Variants in PTPRM observed in about 807,000 individuals in gnomAD.
PTPRM encodes receptor-type tyrosine-protein phosphatase mu.
Under a neutral mutation model 186.7 loss-of-function variants are expected in PTPRM, and 47 were observed. That is an observed-to-expected ratio of 0.25 (90% CI 0.20 to 0.32). The LOEUF is 0.32. Among genes scored for constraint, PTPRM ranks in the 10% least tolerant of loss-of-function variants. The pLI, the probability that PTPRM is intolerant of heterozygous loss-of-function variation, is 1.00. For synonymous variants in PTPRM, 668 were observed against 674.9 expected (o/e 0.99, Z 0.16); for missense variants, 1,494 against 1,865.0 (o/e 0.80, Z 3.66).
chr18:7,756,896 G>A (rs1032075752), intron 1 of PTPRM, among the ~76,000 whole-genome samples: 3 of 152,142 alleles, frequency 2.0e-5, no homozygotes, highest in African/African-American at 7.2e-5. Context: ...CATCAATGTG[G>A]CAGTGTAATA....
At chr18:7,838,231 G>A (rs1004299633) in intron 2 of PTPRM, among the ~76,000 whole-genome samples, 6 of 152,130 alleles carry the variant, frequency 3.9e-5, no homozygotes, top group African/African-American at 1.4e-4. Flanking sequence ...GCTGAGCAAA[G>A]GGGGAAAAGT....
At chr18:7,739,238 T>C (rs1315454358) in intron 1 of PTPRM, among the ~76,000 whole-genome samples, 1 of 152,154 alleles carries the variant, frequency 6.6e-6, no homozygotes, top group Non-Finnish European at 1.5e-5. Flanking sequence ...CACAGTAAAG[T>C]GGTCGACGTT....
chr18:7,651,701 G>A (rs1302931227), intron 1 of PTPRM, among the ~76,000 whole-genome samples: 8 of 152,122 alleles, frequency 5.3e-5, no homozygotes, highest in Non-Finnish European at 1.2e-4. Context: ...CTAGCCATAT[G>A]TAGAAAGCTG....
At chr18:8,316,382 T>C (rs1233171180) in intron 21 of PTPRM, among the ~76,000 whole-genome samples, 1 of 152,198 alleles carries the variant, frequency 6.6e-6, no homozygotes, top group Admixed American at 6.5e-5. Context: ...GTAATTTGAA[T>C]AAGCTTTAAC....
intron 7 of PTPRM, among the ~76,000 whole-genome samples, chr18:8,002,328 G>A (rs1435815671): frequency 6.6e-6 from 1 of 152,200 alleles, no homozygotes. Flanking sequence ...AGACATTTGG[G>A]TAGTAGAGCA....
chr18:8,105,582 T>C (rs934093003), intron 11 of PTPRM, among the ~76,000 whole-genome samples: 1 of 152,228 alleles, frequency 6.6e-6, no homozygotes, highest in Non-Finnish European at 1.5e-5. Flanking sequence ...ATATGCTGCC[T>C]AGCCTTCCCT....
At chr18:8,246,696 A>T (rs183340918) in intron 15 of PTPRM, among the ~76,000 whole-genome samples, 16 of 152,096 alleles carry the variant, frequency 1.1e-4, no homozygotes, top group Non-Finnish European at 1.9e-4. Flanking sequence ...TACCATAAAC[A>T]TGCGTTGTAA....
Position 8,376,067 on chromosome 18 carries a change from G to A in PTPRM, c.3193G>A (p.Glu1065Lys), listed in dbSNP as rs774536356. The change falls in exon 25 of 33, where the codon GAG becomes AAG. Residue 1065 changes from glutamate to lysine, a missense_variant. Physicochemically the swap from Glu to Lys is moderately conservative, Grantham distance 56. Coordinates refer to ENST00000580170, the MANE Select transcript of PTPRM (RefSeq NM_001105244.2). ...VEKRGVHEIR[E>K]IRQFHFTGWP... ...GCAGAGAGGTGTGCATGAAATCCGA[G>A]AGATCAGACAGTTTCACTTCACTGG... 1 of 1,611,544 alleles carries A rather than the reference G, an allele frequency of 6.2e-7. No individual in the cohort carries two copies. Among genetic ancestry groups the A allele is most frequent in the Non-Finnish European group, 8.5e-7 (1 of 1,177,862 alleles).
chr18:7,583,483 A>G (rs1160629625), intron 1 of PTPRM, among the ~76,000 whole-genome samples: 1 of 152,218 alleles, frequency 6.6e-6, no homozygotes, highest in African/African-American at 2.4e-5. Flanking sequence ...AGCGCATGTT[A>G]TAATTTTCAA....
chr18:8,012,960 G>A (rs2084630783), intron 7 of PTPRM, among the ~76,000 whole-genome samples: 3 of 152,114 alleles, frequency 2.0e-5, no homozygotes, highest in African/African-American at 4.8e-5. Context: ...TTGCACTGGG[G>A]AGGGTGGAGG....
At chr18:8,338,461 G>A (rs939339481) in intron 22 of PTPRM, among the ~76,000 whole-genome samples, 3 of 151,940 alleles carry the variant, frequency 2.0e-5, no homozygotes, top group Non-Finnish European at 2.9e-5. Flanking sequence ...TGAGGACTGT[G>A]TGGTACACAC....
chr18:7,687,943 A>G (rs962661931), intron 1 of PTPRM, among the ~76,000 whole-genome samples: 36 of 151,830 alleles, frequency 2.4e-4, no homozygotes, highest in African/African-American at 8.2e-4. Flanking sequence ...ATGCCCAGCT[A>G]ATTTTTGTAT....
intron 14 of PTPRM, among the ~76,000 whole-genome samples, chr18:8,167,184 G>A (rs533451174): frequency 2.0e-5 from 3 of 152,240 alleles, no homozygotes; most frequent in East Asian, 1.9e-4. Context: ...TCATCTTCAC[G>A]CACCAATAGT....
chr18:8,136,699 C>T (rs557601297), intron 13 of PTPRM, among the ~76,000 whole-genome samples: 260 of 152,158 alleles, frequency 1.7e-3, no homozygotes, highest in Non-Finnish European at 3.2e-3. Flanking sequence ...TGATTGACTT[C>T]GCATTCCCAG....
chr18:8,388,174 TTAATAGAACAG>T (rs1244168127), intron 31 of PTPRM, among the ~76,000 whole-genome samples: 3 of 152,230 alleles, frequency 2.0e-5, no homozygotes, highest in Non-Finnish European at 4.4e-5. Flanking sequence ...TGCAATCGGC[TTAATAGAACAG>T]GCAATTAGAA....
At chr18:7,644,986 A>G (rs1026685729) in intron 1 of PTPRM, among the ~76,000 whole-genome samples, 8 of 152,212 alleles carry the variant, frequency 5.3e-5, no homozygotes, top group African/African-American at 1.9e-4. Flanking sequence ...TTAAGTATTC[A>G]ATATATGTTT....
At chr18:7,812,405 C>G (rs1179147254) in intron 2 of PTPRM, among the ~76,000 whole-genome samples, 1 of 152,162 alleles carries the variant, frequency 6.6e-6, no homozygotes, top group South Asian at 2.1e-4. Flanking sequence ...AGTCGAGGTA[C>G]CTGGAGGCAG....
chr18:8,361,680 T>C (rs1403019532), intron 23 of PTPRM, among the ~76,000 whole-genome samples: 1 of 152,066 alleles, frequency 6.6e-6, no homozygotes, highest in Non-Finnish European at 1.5e-5. Flanking sequence ...CCTTTAACAA[T>C]CATATGGTCT....
At chr18:7,994,393 A>T (rs1183258932) in intron 7 of PTPRM, among the ~76,000 whole-genome samples, 1 of 152,094 alleles carries the variant, frequency 6.6e-6, no homozygotes, top group Non-Finnish European at 1.5e-5. Context: ...TTCAACACCA[A>T]ACTTGCTTGC....
Sources: gnomAD v4.1 joint callset for allele counts (sites outside exome capture counted in the v4.1 genomes callset) on GRCh38, gnomAD v4.1.1 for gene constraint, MANE v1.5 for transcripts, NCBI Gene and HGNC (gene_info 2026-07-23, HGNC 2026-07-21) for gene names.